The following BAZ1A variants were observed in gnomAD, a reference collection of about 807,000 sequenced individuals.
BAZ1A encodes bromodomain adjacent to zinc finger domain protein 1A.
Under a neutral mutation model 185.2 loss-of-function variants are expected in BAZ1A, and 50 were observed. The ratio of observed to expected loss-of-function variants is 0.27; its 90% CI spans 0.22 to 0.34. The LOEUF is 0.34. Among genes scored for constraint, BAZ1A ranks in the 10% least tolerant of loss-of-function variants. The pLI is 1.00. For synonymous variants in BAZ1A, 571 were observed against 615.6 expected, an observed-to-expected ratio of 0.93 and a Z score of 1.07; for missense variants, 1,356 against 1,839.9, an observed-to-expected ratio of 0.74 and a Z score of 4.81.
intron 3 of BAZ1A, among the ~76,000 whole-genome samples, chr14:34,833,623 G>C (rs1042782938): frequency 6.6e-6 from 1 of 152,148 alleles, no homozygotes; most frequent in African/African-American, 2.4e-5. Context: ...CCACTTATAT[G>C]AAGTATCCGG....
chr14:34,849,272 G>A (rs1450018248), intron 3 of BAZ1A, among the ~76,000 whole-genome samples: 1 of 152,186 alleles, frequency 6.6e-6, no homozygotes, highest in Non-Finnish European at 1.5e-5. Flanking sequence ...GTGACAGAGT[G>A]AGACTGTCTC....
In BAZ1A at chr14:34,762,077, G is replaced by A. The variant is rs1235025287; in HGVS notation, c.3923C>T (p.Ser1308Phe). The change falls in exon 24 of 27, where the codon TCT becomes TTT. Residue 1308 changes from serine to phenylalanine, a missense_variant. Transcript: ENST00000360310. ...SQQSTPKTTV[S>F]SKTGRSLRKI... The stretch of plus-strand genomic sequence containing the variant: ...TCTTAGGCTTCTACCAGTTTTAGAA[G>A]AAACAGTTGTTTTGGGTGTGCTCTG... 6.2e-7 allele frequency: 1 copy of A among 1,614,202 alleles called. No individual in the cohort carries two copies.
At chr14:34,823,968 G>A (rs2042124300) in intron 4 of BAZ1A, among the ~76,000 whole-genome samples, 1 of 152,072 alleles carries the variant, frequency 6.6e-6, no homozygotes, top group Non-Finnish European at 1.5e-5. Context: ...TGTCAGACAT[G>A]CTAAAGGACA....
At chr14:34,832,211 C>CATATATATATATATATATATATAT (rs1181710627) in intron 3 of BAZ1A, among the ~76,000 whole-genome samples, 8 of 65,520 alleles carry the variant, frequency 1.2e-4, no homozygotes, top group Non-Finnish European at 2.1e-4. Flanking sequence ...CACACACACA[C>CATATATATATATATATATATATAT]ACACATATAT....
At chr14:34,774,739 G>A (rs1879472259) in intron 18 of BAZ1A, among the ~76,000 whole-genome samples, 1 of 152,142 alleles carries the variant, frequency 6.6e-6, no homozygotes, top group Admixed American at 6.5e-5. Flanking sequence ...TTATGCCACT[G>A]CAATCCAGCC....
Position 34,753,685 on chromosome 14 carries a change from A to T in BAZ1A, c.4494T>A (p.Ile1498=). Residue 1498 remains isoleucine, a synonymous_variant, in exon 27 of 27, where the codon ATT becomes ATA. Coordinates refer to ENST00000360310, the MANE Select transcript of BAZ1A (RefSeq NM_013448.3). ...YKLASEFIDD[I]ELMFSNCFEY... The stretch of plus-strand genomic sequence containing the variant: ...CAAAGCAGTTCGAAAACATTAACTC[A>T]ATGTCATCAATAAACTCAGCTAGAA... The T allele has an allele frequency of 6.3e-7, 1 of 1,588,542 alleles. No individual in the cohort carries two copies. Among genetic ancestry groups the T allele is most frequent in the Non-Finnish European group, 8.6e-7 (1 of 1,161,020 alleles).
intron 6 of BAZ1A, among the ~76,000 whole-genome samples, chr14:34,803,357 G>A (rs1881674512): frequency 7.4e-6 from 1 of 134,302 alleles, no homozygotes; most frequent in Admixed American, 8.5e-5. Context: ...CCAGCCTGGT[G>A]ACAGAGTAAG....
rs924295472 is a variant in BAZ1A, at chr14:34,825,256, C to T, written c.536+757G>A. Among the ~76,000 whole-genome samples the T allele has an allele frequency of 2.6e-5, 4 of 151,928 alleles. No individual in the cohort carries two copies. The East Asian group carries it at 7.7e-4, about 29-fold the overall frequency. Reference sequence around the variant, plus strand: ...ATCACCTGAGGTCAGGAGTTCGAGACCAGCGTGACCAACATGGTGAAACCC... The same window carrying T: ...ATCACCTGAGGTCAGGAGTTCGAGATCAGCGTGACCAACATGGTGAAACCC... On this transcript the variant is annotated intron_variant, in intron 4 of 26. Transcript: ENST00000360310.
intron 2 of BAZ1A, among the ~76,000 whole-genome samples, chr14:34,872,913 T>TAAAAAAAAAAAAAAAAAAAAAAAAAAAAA (rs35955993): frequency 1.3e-5 from 1 of 76,180 alleles, no homozygotes; most frequent in African/African-American, 7.0e-5. Context: ...TTTAAAATCC[T>TAAAAAAAAAAAAAAAAAAAAAAAAAAAAA]AAAAAAAAAA....
chr14:34,873,875 C>T (rs1249256877), intron 2 of BAZ1A, among the ~76,000 whole-genome samples: 1 of 152,192 alleles, frequency 6.6e-6, no homozygotes, highest in African/African-American at 2.4e-5. Context: ...CGGAGGCTCT[C>T]GCGTCCCGCG....
chr14:34,819,140 CAAAAAAAA>C (rs71121223), intron 4 of BAZ1A, among the ~76,000 whole-genome samples: 6 of 72,788 alleles, frequency 8.2e-5, no homozygotes, highest in African/African-American at 3.4e-4. Context: ...GACTCTGTCT[CAAAAAAAA>C]AAAAAAAAAA....
chr14:34,835,017 A>G (rs193039040), intron 3 of BAZ1A, among the ~76,000 whole-genome samples: 2 of 150,422 alleles, frequency 1.3e-5, no homozygotes, highest in Admixed American at 6.6e-5. Context: ...AATCAACTCC[A>G]TAAGTTATAC....
intron 3 of BAZ1A, among the ~76,000 whole-genome samples, chr14:34,853,857 A>T (rs2042634642): frequency 6.6e-6 from 1 of 152,192 alleles, no homozygotes. Context: ...AAGCGAGCAG[A>T]TCTGAGTACC....
At position 34,791,585 on chromosome 14, in the gene BAZ1A, G is replaced by A. The variant is rs544839299; in HGVS notation, c.1510+1190C>T. ...CAATATCCTGTTGCTTCAGAGACCA[G>A]GCATGAAGGAAGATGATCCTGAATT... On this transcript the variant is annotated intron_variant, in intron 12 of 26. Coordinates refer to ENST00000360310, the MANE Select transcript of BAZ1A (RefSeq NM_013448.3). Among the ~76,000 whole-genome samples, 7 of 152,272 alleles carry A rather than the reference G, an allele frequency of 4.6e-5. No homozygotes were observed. The South Asian group carries it at 1.5e-3, about 32-fold the overall frequency.
intron 17 of BAZ1A, among the ~76,000 whole-genome samples, chr14:34,777,607 G>A (rs369694705): frequency 6.9e-6 from 1 of 144,862 alleles, no homozygotes; most frequent in Non-Finnish European, 1.5e-5. Flanking sequence ...TCACGCCACT[G>A]TACTCCACCC....
chr14:34,798,789 G>A (rs900857092), intron 9 of BAZ1A, among the ~76,000 whole-genome samples: 1 of 152,206 alleles, frequency 6.6e-6, no homozygotes, highest in African/African-American at 2.4e-5. Context: ...GTTGGCTGGA[G>A]TGTAAACTAG....
chr14:34,874,399 G>T lies in BAZ1A; in HGVS notation c.113+93C>A. ...CCGTCACTTTCAAGTCGCCCCGCCA[G>T]AAGCCCAGGGCGAGGAAAAGGAGAG... On this transcript the variant is annotated intron_variant, in intron 2 of 26. Transcript: ENST00000360310. This position sits in a 1 kb window ranked among gnomAD's most constrained non-coding sequence, Gnocchi z 4.7. 7.9e-7 allele frequency: 1 copy of T among 1,260,918 alleles called. No individual in the cohort carries two copies. The highest frequency in any genetic ancestry group is 1.1e-6 in the Non-Finnish European group (1 of 879,560). The allele number at this position is 1,260,918 out of a possible 1,614,324, so 78.1% of individuals were successfully genotyped here.
chr14:34,758,596 CA>C (rs879029679), intron 25 of BAZ1A, 107 bp downstream of exon 25: 84 of 1,165,996 alleles, frequency 7.2e-5, no homozygotes, highest in Non-Finnish European at 8.3e-5. Context: ...ACAACAACAA[CA>C]AAAAAAACTA....
rs753346678 is a variant in BAZ1A, at chr14:34,811,009, T to C, written c.564A>G (p.Leu188=). Residue 188 remains leucine, a synonymous_variant, in exon 5 of 27, where the codon TTA becomes TTG. Coordinates refer to ENST00000360310, the MANE Select transcript of BAZ1A (RefSeq NM_013448.3). The stretch of plus-strand genomic sequence containing the variant: ...TGGGTTGCACTTTATACTTGAATAG[T>C]AAGGGATCAATTGCATCTTTTTTCT... ...NGKKKDAIDP[L]LFKYKVQPTK... 6.2e-7 allele frequency: 1 copy of C among 1,605,680 alleles called. No individual in the cohort carries two copies. The highest frequency in any genetic ancestry group is 8.5e-7 in the Non-Finnish European group (1 of 1,174,338).
Sources: allele counts gnomAD v4.1 joint callset (sites outside exome capture counted in the v4.1 genomes callset), GRCh38; gene constraint gnomAD v4.1.1; non-coding constraint Gnocchi (gnomAD v3.1); transcripts MANE v1.5; gene names NCBI Gene and HGNC (gene_info 2026-07-23, HGNC 2026-07-21).